The following CTNND2 variants were observed in gnomAD, a reference collection of about 807,000 sequenced individuals.
CTNND2 encodes the protein catenin delta 2, also known as catenin delta-2.
In CTNND2, 22 loss-of-function variants were observed where a neutral mutation model predicts 144.4. The observed-to-expected ratio is 0.15, with a 90% CI of 0.11 to 0.22. The LOEUF is 0.22. Ranked by LOEUF, CTNND2 falls within the 10% of genes least tolerant of loss-of-function variation. The probability of loss-of-function intolerance (pLI) is 1.00; values close to 1 mark genes in which losing one functional copy is unlikely to be tolerated. For synonymous variants in CTNND2, 751 were observed against 695.6 expected (o/e 1.08, Z -1.25); for missense variants, 1,353 against 1,618.8 (o/e 0.84, Z 2.82).
At chr5:11,362,645 G>A (rs1394509849) in intron 8 of CTNND2, among the ~76,000 whole-genome samples, 3 of 152,134 alleles carry the variant, frequency 2.0e-5, no homozygotes, top group African/African-American at 7.2e-5. Context: ...TTGGGGTCTT[G>A]GACATCTGAA....
intron 2 of CTNND2, among the ~76,000 whole-genome samples, chr5:11,675,994 G>A (rs573435573): frequency 5.9e-5 from 9 of 151,736 alleles, no homozygotes; most frequent in Non-Finnish European, 1.3e-4. Context: ...GCTCTGATAA[G>A]GGACAGACTG....
At chr5:11,017,137 AAAC>A (rs1298830494) in intron 18 of CTNND2, among the ~76,000 whole-genome samples, 1 of 151,814 alleles carries the variant, frequency 6.6e-6, no homozygotes, top group Non-Finnish European at 1.5e-5. Flanking sequence ...TGTCACAATA[AAAC>A]AACAACTTCT....
intron 5 of CTNND2, among the ~76,000 whole-genome samples, chr5:11,402,494 G>T (rs546839043): frequency 6.6e-6 from 1 of 152,326 alleles, no homozygotes; most frequent in Admixed American, 6.5e-5. Flanking sequence ...CACTACTAAT[G>T]ATTTCATTTG....
At chr5:11,765,944 G>A (rs566620014) in intron 1 of CTNND2, among the ~76,000 whole-genome samples, 1 of 152,258 alleles carries the variant, frequency 6.6e-6, no homozygotes, top group African/African-American at 2.4e-5. Context: ...AATAACTAGA[G>A]TCAGTATAGA....
intron 15 of CTNND2, among the ~76,000 whole-genome samples, chr5:11,090,002 C>G (rs1034142038): frequency 4.6e-5 from 7 of 152,086 alleles, no homozygotes; most frequent in African/African-American, 1.7e-4. Flanking sequence ...GAACGAAACT[C>G]TGTCTCAAAA....
chr5:10,997,272 C>A lies in CTNND2; in HGVS notation c.3085-4595G>T, dbSNP rs377128969. Among the ~76,000 whole-genome samples the A allele has an allele frequency of 5.9e-5, 9 of 152,114 alleles. 1 individual carries two copies. The highest frequency in any genetic ancestry group is 5.8e-4 in the East Asian group (3 of 5,192). The stretch of plus-strand genomic sequence containing the variant: ...AAGATATTTCAACAATGTATGTGTC[C>A]ATTACTTATGTATGGGAACGATTAA... On this transcript the variant is annotated intron_variant, in intron 18 of 21. Coordinates refer to ENST00000304623, the MANE Select transcript of CTNND2 (RefSeq NM_001332.4).
Position 10,988,134 on chromosome 5 carries a change from G to T in CTNND2, c.3320C>A (p.Thr1107Asn), listed in dbSNP as rs1346887341. ...ACCTGTCATGGCATCTTTCCTGGAAGTGTGTTCGCCTTTAGCTCCGTGGTA... is the reference window on the plus strand; with the variant it reads ...ACCTGTCATGGCATCTTTCCTGGAATTGTGTTCGCCTTTAGCTCCGTGGTA... ...ATYHGAKGEH[T>N]SRKDAMTAQN... Residue 1107 changes from threonine (T) to asparagine (N), a missense_variant, in exon 20 of 22, where the codon ACT (threonine) becomes AAT (asparagine). Coordinates refer to ENST00000304623, the MANE Select transcript of CTNND2 (RefSeq NM_001332.4). The surrounding 1 kb of genome is among the most constrained non-coding windows in gnomAD (Gnocchi z 5.9). 1 of 1,614,226 alleles carries T rather than the reference G, an allele frequency of 6.2e-7. No homozygotes were observed. Among genetic ancestry groups the T allele is most frequent in the Admixed American group, 1.7e-5 (1 of 60,030 alleles).
At chr5:11,497,744 G>A (rs1770112220) in intron 3 of CTNND2, among the ~76,000 whole-genome samples, 1 of 152,106 alleles carries the variant, frequency 6.6e-6, no homozygotes, top group East Asian at 1.9e-4. Context: ...AATTGGGCAA[G>A]AAAAATTAAG....
rs1291291379 is a variant in CTNND2, at chr5:11,732,047, T to C, written c.174+89A>G. ...TCTGCTACATGAGTATGAGTTTCTT[T>C]TAACATAATTTAATCTTTAACGTTC... is the stretch of plus-strand genomic sequence containing the variant. On this transcript the variant is annotated intron_variant, in intron 2 of 21. Coordinates refer to ENST00000304623, the MANE Select transcript of CTNND2 (RefSeq NM_001332.4). 8 of 1,313,910 alleles carry C rather than the reference T, an allele frequency of 6.1e-6. No homozygotes were observed. The African/African-American group carries it at 1.2e-4, about 19-fold the overall frequency. 81.4% of individuals were successfully genotyped at this position (1,313,910 alleles called of 1,614,324 possible). A position where few individuals can be genotyped will look rare whatever the true frequency, so the allele number is the denominator to read the frequency against.
intron 2 of CTNND2, among the ~76,000 whole-genome samples, chr5:11,617,347 C>T (rs1218110632): frequency 6.6e-6 from 1 of 152,132 alleles, no homozygotes; most frequent in Non-Finnish European, 1.5e-5. Flanking sequence ...ATCTCTGATA[C>T]CCCATTTCAT....
chr5:11,765,445 C>G (rs1789527711), intron 1 of CTNND2, among the ~76,000 whole-genome samples: 1 of 152,102 alleles, frequency 6.6e-6, no homozygotes, highest in South Asian at 2.1e-4. Context: ...AGAAAAGAAC[C>G]TTAGATGATG....
intron 1 of CTNND2, among the ~76,000 whole-genome samples, chr5:11,794,598 A>C (rs1038291605): frequency 6.6e-6 from 1 of 152,232 alleles, no homozygotes; most frequent in African/African-American, 2.4e-5. Context: ...ATGAAAGCAT[A>C]ACTTATACAT....
At chr5:11,712,773 C>T (rs191719576) in intron 2 of CTNND2, among the ~76,000 whole-genome samples, 1 of 152,174 alleles carries the variant, frequency 6.6e-6, no homozygotes, top group Non-Finnish European at 1.5e-5. Flanking sequence ...TTAGTAACTT[C>T]CCACAGTTAG....
intron 3 of CTNND2, among the ~76,000 whole-genome samples, chr5:11,553,028 T>C (rs545883592): frequency 2.0e-5 from 3 of 152,340 alleles, no homozygotes; most frequent in Non-Finnish European, 4.4e-5. Flanking sequence ...GGAATAAGCG[T>C]GCATGATTTG....
intron 1 of CTNND2, among the ~76,000 whole-genome samples, chr5:11,741,387 C>T (rs184519035): frequency 0.015 from 2,273 of 152,100 alleles, 60 homozygotes; most frequent in African/African-American, 0.051. Context: ...ACCATGCAGC[C>T]GTAAAAAAGG....
chr5:11,071,495 GT>G (rs1367548374), intron 16 of CTNND2, among the ~76,000 whole-genome samples: 1 of 151,930 alleles, frequency 6.6e-6, no homozygotes, highest in Non-Finnish European at 1.5e-5. Context: ...AGCTGAGATT[GT>G]ACCACTGTAC....
At chr5:11,398,211 C>A (rs1760313871) in intron 5 of CTNND2, among the ~76,000 whole-genome samples, 1 of 152,158 alleles carries the variant, frequency 6.6e-6, no homozygotes, top group Non-Finnish European at 1.5e-5. Flanking sequence ...ATAGCATAAC[C>A]ATTAAATCAT....
chr5:11,336,996 G>C (rs1239705407), intron 9 of CTNND2, among the ~76,000 whole-genome samples: 1 of 152,110 alleles, frequency 6.6e-6, no homozygotes, highest in Non-Finnish European at 1.5e-5. Flanking sequence ...TCTCTGGTGA[G>C]GGTTCCACAA....
At chr5:11,420,748 T>C (rs1037095651) in intron 3 of CTNND2, among the ~76,000 whole-genome samples, 2 of 152,214 alleles carry the variant, frequency 1.3e-5, no homozygotes, top group African/African-American at 4.8e-5. Flanking sequence ...TGTCCTAATA[T>C]CTCTGCCATG....
Sources: gnomAD v4.1 joint callset for allele counts (sites outside exome capture counted in the v4.1 genomes callset) on GRCh38, gnomAD v4.1.1 for gene constraint, Gnocchi (gnomAD v3.1) non-coding constraint, MANE v1.5 for transcripts, NCBI Gene and HGNC (gene_info 2026-07-23, HGNC 2026-07-21) for gene names.